The following UBA2 variants were observed in gnomAD, a reference collection of about 807,000 sequenced individuals.
UBA2 encodes SUMO-activating enzyme subunit 2.
A neutral mutation model predicts 77.2 loss-of-function variants in UBA2; 11 were observed. The ratio of observed to expected loss-of-function variants is 0.14; its 90% CI spans 0.09 to 0.24. The LOEUF (loss-of-function observed/expected upper bound fraction) is 0.24, where lower values mean the gene tolerates loss of function less well. Among genes scored for constraint, UBA2 ranks in the 10% least tolerant of loss-of-function variants. The pLI, the probability that UBA2 is intolerant of heterozygous loss-of-function variation, is 1.00. For missense variants in UBA2, 487 were observed against 781.7 expected (o/e 0.62, Z 4.50); for synonymous variants, 278 against 276.7 (o/e 1.00, Z -0.05).
chr19:34,446,605 TTTC>T (rs1475068818), intron 8 of UBA2, among the ~76,000 whole-genome samples: 32 of 71,128 alleles, frequency 4.5e-4, no homozygotes, highest in Admixed American at 6.9e-4. Context: ...GACTTTTTTT[TTTC>T]TTTCTTTTTT....
intron 8 of UBA2, among the ~76,000 whole-genome samples, chr19:34,447,567 A>G (rs1309135800): frequency 6.6e-6 from 1 of 152,256 alleles, no homozygotes; most frequent in African/African-American, 2.4e-5. Flanking sequence ...TATTTAGCAG[A>G]TAATTTTAAA....
Position 34,445,055 on chromosome 19 carries a change from T to C in UBA2, c.705T>C (p.Ile235=). 6.2e-7 allele frequency: 1 copy of C among 1,614,022 alleles called. No homozygotes were observed. Among genetic ancestry groups the C allele is most frequent in the South Asian group, 1.1e-5 (1 of 91,052 alleles). Reference sequence around the variant, plus strand: ...GAGCATCTAATGAAGATGGTGACATTAAACGTATTTCTACTAAGGAATGGG... The same window carrying C: ...GAGCATCTAATGAAGATGGTGACATCAAACGTATTTCTACTAAGGAATGGG... The part of the protein sequence containing the change: ...RARASNEDGD[I]KRISTKEWAK... Residue 235 remains isoleucine (I), a synonymous_variant, in exon 8 of 17, where the codon ATT becomes ATC. Transcript: ENST00000246548.
intron 9 of UBA2, among the ~76,000 whole-genome samples, chr19:34,451,497 C>T (rs1342842627): frequency 6.9e-6 from 1 of 144,638 alleles, no homozygotes; most frequent in Non-Finnish European, 1.5e-5. Context: ...CTATGAGGTA[C>T]TGAGGTGGTC....
At position 34,469,925 on chromosome 19, in the gene UBA2, T is replaced by A. The variant is rs2075722698; in HGVS notation, c.*704T>A. ...TGCACAGTTCCTGTTTCTGCTGCCTTATATCTACTGCAGGAATGTCAAATT... is the reference window on the plus strand; with the variant it reads ...TGCACAGTTCCTGTTTCTGCTGCCTAATATCTACTGCAGGAATGTCAAATT... On this transcript the variant is annotated 3_prime_UTR_variant, in exon 17 of 17. Coordinates refer to ENST00000246548, the MANE Select transcript of UBA2 (RefSeq NM_005499.3). 6.6e-6 allele frequency: 1 copy of A among 152,522 alleles called. No homozygotes were observed. The highest frequency in any genetic ancestry group is 2.1e-4 in the South Asian group (1 of 4,826). 9.4% of individuals were successfully genotyped at this position (152,522 alleles called of 1,614,324 possible). A position where few individuals can be genotyped will look rare whatever the true frequency, so the allele number is the denominator to read the frequency against.
chr19:34,439,015 C>T (rs976875921), intron 6 of UBA2, among the ~76,000 whole-genome samples: 7 of 152,046 alleles, frequency 4.6e-5, no homozygotes, highest in South Asian at 2.1e-4. Context: ...TTGAGACCAG[C>T]GTGGCCAGCA....
At chr19:34,457,175 A>ATATAT (rs1226463566) in intron 12 of UBA2, among the ~76,000 whole-genome samples, 13 of 77,998 alleles carry the variant, frequency 1.7e-4, no homozygotes, top group African/African-American at 2.6e-4. Flanking sequence ...CTAAAAAAAA[A>ATATAT]AAAAATATAT....
rs1436102172 is a variant in UBA2, at chr19:34,458,840, C to T, written c.1317C>T (p.Pro439=). ...LVPCALDPPN[P]NCYVCASKPE... is the part of the protein sequence containing the mutation. ...CTTGTGCACTGGATCCTCCCAACCCCAATTGTTATGTATGTGCCAGCAAGC... is the reference window on the plus strand; with the variant it reads ...CTTGTGCACTGGATCCTCCCAACCCTAATTGTTATGTATGTGCCAGCAAGC... The change falls in exon 13 of 17, where the codon CCC becomes CCT. Residue 439 remains proline, a synonymous_variant. Transcript: ENST00000246548. 1.9e-6 allele frequency: 3 copies of T among 1,614,130 alleles called. No individual in the cohort carries two copies. The highest frequency in any genetic ancestry group is 2.5e-6 in the Non-Finnish European group (3 of 1,180,034).
intron 15 of UBA2, 127 bp from the exon 16 acceptor site, chr19:34,466,750 TA>T (rs754815295): frequency 2.0e-3 from 1,306 of 651,832 alleles, no homozygotes; most frequent in Middle Eastern, 3.9e-3. Context: ...AAATAAAAAT[TA>T]AAAAAAAAAT....
chr19:34,458,147 C>A (rs2075588505), intron 12 of UBA2, among the ~76,000 whole-genome samples: 1 of 152,220 alleles, frequency 6.6e-6, no homozygotes, highest in Non-Finnish European at 1.5e-5. Flanking sequence ...CACAGATTAA[C>A]ATGCCTGTGC....
chr19:34,465,100 C>A (rs1404186140), intron 15 of UBA2, among the ~76,000 whole-genome samples: 2 of 152,104 alleles, frequency 1.3e-5, no homozygotes, highest in Non-Finnish European at 2.9e-5. Context: ...ATAGACATGG[C>A]CCCCTATTCT....
chr19:34,438,798 G>A (rs968194596), intron 6 of UBA2, 32 bp downstream of exon 6: 5 of 1,608,292 alleles, frequency 3.1e-6, no homozygotes, highest in African/African-American at 1.3e-5. Context: ...CATGCTTTTC[G>A]GTACTGATGA....
At chr19:34,463,925 G>T in intron 14 of UBA2, 101 bp from the exon 15 acceptor site, 1 of 779,324 alleles carries the variant, frequency 1.3e-6, no homozygotes, top group African/African-American at 1.7e-5. Context: ...TGGTGAACGG[G>T]ACACAAATCA....
Position 34,438,713 on chromosome 19 carries a change from T to A in UBA2, c.528T>A (p.Arg176=), listed in dbSNP as rs1599896276. 6.2e-6 allele frequency: 10 copies of A among 1,614,080 alleles called. No homozygotes were observed. The East Asian group carries it at 2.2e-4, about 36-fold the overall frequency. Residue 176 remains arginine, a synonymous_variant, in exon 6 of 17, where the codon CGT becomes CGA. Coordinates refer to ENST00000246548, the MANE Select transcript of UBA2 (RefSeq NM_005499.3). ...GAACCTTTCCTGGCTGTACAATTCG[T>A]AACACACCTTCAGAACCTATACATT... ...TQRTFPGCTI[R]NTPSEPIHCI... is the part of the protein sequence containing the mutation.
At chr19:34,462,754 C>T (rs1237062509) in intron 14 of UBA2, among the ~76,000 whole-genome samples, 4 of 151,996 alleles carry the variant, frequency 2.6e-5, no homozygotes. Context: ...TCACTTGAGG[C>T]CAGGAGTTTG....
At chr19:34,466,460 C>T (rs6510419) in intron 15 of UBA2, among the ~76,000 whole-genome samples, 127,286 of 152,226 alleles carry the variant, frequency 0.84, 53,474 homozygotes, top group Non-Finnish European at 0.88. Context: ...TTTTATGCTT[C>T]AGCAATAAAA....
At chr19:34,450,821 TC>T (rs2075486216) in intron 9 of UBA2, among the ~76,000 whole-genome samples, 1 of 140,162 alleles carries the variant, frequency 7.1e-6, no homozygotes, top group Non-Finnish European at 1.5e-5. Flanking sequence ...CGATCTCAGC[TC>T]ACCGCAACCT....
At chr19:34,431,584 C>G (rs908778284) in intron 2 of UBA2, among the ~76,000 whole-genome samples, 8 of 152,104 alleles carry the variant, frequency 5.3e-5, no homozygotes, top group Non-Finnish European at 7.3e-5. Context: ...CACTTGGTTA[C>G]TTCATGTTGT....
At chr19:34,462,548 A>G (rs557354199) in intron 14 of UBA2, among the ~76,000 whole-genome samples, 21 of 152,282 alleles carry the variant, frequency 1.4e-4, no homozygotes, top group African/African-American at 5.1e-4. Context: ...AAGAACTAGG[A>G]GAAACTGTTA....
chr19:34,451,971 T>C lies in UBA2; in HGVS notation c.872-10T>C. On this transcript the variant is annotated splice_polypyrimidine_tract_variant and intron_variant, in intron 9 of 16. Transcript: ENST00000246548. ...AGTGAAATTTCTAATATATATATTT[T>C]TTTCTTTAGGAGAAGAAACGAATGC... is the stretch of plus-strand genomic sequence containing the variant. The C allele has an allele frequency of 6.7e-7, 1 of 1,497,246 alleles. No homozygotes were observed. Among genetic ancestry groups the C allele is most frequent in the Non-Finnish European group, 9.0e-7 (1 of 1,112,528 alleles). 92.7% of individuals were successfully genotyped at this position (1,497,246 alleles called of 1,614,324 possible).
Sources: gnomAD v4.1 joint callset for allele counts (sites outside exome capture counted in the v4.1 genomes callset) on GRCh38, gnomAD v4.1.1 for gene constraint, MANE v1.5 for transcripts, NCBI Gene and HGNC (gene_info 2026-07-23, HGNC 2026-07-21) for gene names.